Variants in ATP6V0A4 observed in about 807,000 individuals in gnomAD.
ATP6V0A4 encodes ATPase H+ transporting V0 subunit a4.
ATP6V0A4 carries 86 observed loss-of-function variants against 107.3 expected under a neutral mutation model. That is an observed-to-expected ratio of 0.80 (90% CI 0.67 to 0.96). The LOEUF is 0.96. ATP6V0A4 is among the 40% of genes least tolerant of loss of function. The pLI is 0.00. For synonymous variants in ATP6V0A4, 353 were observed against 381.4 expected, an observed-to-expected ratio of 0.93 and a Z score of 0.87; for missense variants, 908 against 1,045.6, an observed-to-expected ratio of 0.87 and a Z score of 1.81.
intron 13 of ATP6V0A4, among the ~76,000 whole-genome samples, chr7:138,745,658 C>CA (rs566336992): frequency 0.035 from 1,505 of 42,736 alleles, 325 homozygotes; most frequent in East Asian, 0.29. Flanking sequence ...GCCTGTGTCT[C>CA]AAAAAAAAAA....
intron 15 of ATP6V0A4, 117 bp from the exon 16 acceptor site, chr7:138,734,371 A>G: frequency 1.3e-6 from 2 of 1,520,222 alleles, no homozygotes; most frequent in Admixed American, 1.7e-5. Context: ...GCACTTTCAT[A>G]TTTCAGTCCA....
chr7:138,724,578 C>T (rs1332382170), intron 18 of ATP6V0A4, among the ~76,000 whole-genome samples: 1 of 152,190 alleles, frequency 6.6e-6, no homozygotes, highest in East Asian at 1.9e-4. Flanking sequence ...GTGCCAGGTG[C>T]CAAGAGCCAG....
At chr7:138,782,154 G>A (rs1453358563) in intron 2 of ATP6V0A4, among the ~76,000 whole-genome samples, 1 of 152,186 alleles carries the variant, frequency 6.6e-6, no homozygotes, top group African/African-American at 2.4e-5. Flanking sequence ...TTAGAAGTCT[G>A]AAATCAAGAT....
intron 21 of ATP6V0A4, among the ~76,000 whole-genome samples, 176 bp downstream of exon 21, chr7:138,709,448 A>G (rs548878135): frequency 6.6e-6 from 1 of 152,064 alleles, no homozygotes. Context: ...ACATATATAT[A>G]CACATATATT....
chr7:138,783,261 G>A (rs1808002535), intron 2 of ATP6V0A4, among the ~76,000 whole-genome samples: 2 of 151,938 alleles, frequency 1.3e-5, no homozygotes, highest in Admixed American at 1.3e-4. Context: ...GTTCTAGTTG[G>A]GAGATACATC....
chr7:138,797,949 C>T (rs1258319448), intron 1 of ATP6V0A4, 85 bp downstream of exon 1: 1 of 1,534,830 alleles, frequency 6.5e-7, no homozygotes, highest in Admixed American at 2.0e-5. Flanking sequence ...TTTGCTCCAC[C>T]CCATGGTGTT....
intron 21 of ATP6V0A4, among the ~76,000 whole-genome samples, chr7:138,707,351 A>C (rs1483462465): frequency 1.3e-5 from 1 of 75,448 alleles, no homozygotes; most frequent in Non-Finnish European, 2.4e-5. Context: ...ATATATTATA[A>C]TATATATTAT....
intron 7 of ATP6V0A4, among the ~76,000 whole-genome samples, chr7:138,760,805 A>C (rs1220735496): frequency 6.6e-6 from 1 of 152,212 alleles, no homozygotes; most frequent in East Asian, 1.9e-4. Flanking sequence ...AAAAAATCAT[A>C]AATCCCAAAC....
chr7:138,795,828 T>G (rs985993106), intron 1 of ATP6V0A4, among the ~76,000 whole-genome samples: 3 of 151,346 alleles, frequency 2.0e-5, no homozygotes, highest in Non-Finnish European at 4.4e-5. Context: ...TTTTTTTTTG[T>G]TTGTTTTGCG....
chr7:138,778,739 T>C (rs1807786731), intron 2 of ATP6V0A4, among the ~76,000 whole-genome samples: 1 of 151,224 alleles, frequency 6.6e-6, no homozygotes, highest in Non-Finnish European at 1.5e-5. Context: ...AAAGCCCAAG[T>C]GGGGAGCCTA....
intron 1 of ATP6V0A4, among the ~76,000 whole-genome samples, chr7:138,786,649 C>G (rs1808191250): frequency 6.6e-6 from 1 of 151,814 alleles, no homozygotes; most frequent in African/African-American, 2.4e-5. Flanking sequence ...TACCTATAGC[C>G]TAAGGAGAGA....
intron 14 of ATP6V0A4, among the ~76,000 whole-genome samples, chr7:138,741,394 C>A (rs1805627698): frequency 6.6e-6 from 1 of 152,068 alleles, no homozygotes; most frequent in African/African-American, 2.4e-5. Context: ...GTGCAAATGG[C>A]TGGATTTCCA....
chr7:138,778,770 A>G (rs1346044663), intron 2 of ATP6V0A4, among the ~76,000 whole-genome samples: 1 of 151,470 alleles, frequency 6.6e-6, no homozygotes, highest in Non-Finnish European at 1.5e-5. Flanking sequence ...CCGAGTGGGG[A>G]GTCTGAATTC....
At chr7:138,730,931 C>CA (rs1804971938) in intron 17 of ATP6V0A4, among the ~76,000 whole-genome samples, 1 of 123,758 alleles carries the variant, frequency 8.1e-6, no homozygotes. Context: ...TCTTCTTCTT[C>CA]TTTTTTTATT....
intron 15 of ATP6V0A4, 130 bp from the exon 16 acceptor site, chr7:138,734,384 T>C (rs1278936618): frequency 6.9e-7 from 1 of 1,443,778 alleles, no homozygotes; most frequent in Non-Finnish European, 9.6e-7. Flanking sequence ...TCAGTCCAGC[T>C]CAATGCATAC....
In ATP6V0A4 at chr7:138,761,145, G is replaced by A. The variant is rs181344119; in HGVS notation, c.512+1195C>T. Among the ~76,000 whole-genome samples the A allele has an allele frequency of 3.8e-3, 584 of 152,000 alleles. 7 individuals carry two copies. The highest frequency in any genetic ancestry group is 3.6e-3 in the Non-Finnish European group (242 of 67,976). ...CTAATTACATTTAAAAATGTATCCC[G>A]GGCAACACAGTGAGGCCTTGTCTCT... On this transcript the variant is annotated intron_variant, in intron 7 of 21. Transcript: ENST00000310018.
At chr7:138,737,529 G>A (rs1456730561) in intron 15 of ATP6V0A4, among the ~76,000 whole-genome samples, 3 of 151,530 alleles carry the variant, frequency 2.0e-5, no homozygotes, top group African/African-American at 7.3e-5. Context: ...CTGAGGAACA[G>A]GACTGCAGGA....
chr7:138,722,033 C>G lies in ATP6V0A4; in HGVS notation c.2011-8G>C. The G allele has an allele frequency of 6.2e-7, 1 of 1,614,084 alleles. No individual in the cohort carries two copies. Among genetic ancestry groups the G allele is most frequent in the Non-Finnish European group, 8.5e-7 (1 of 1,180,012 alleles). On this transcript the variant is annotated splice_region_variant and splice_polypyrimidine_tract_variant and intron_variant, in intron 18 of 21. Transcript: ENST00000310018. ...GATCCTGGATGCCTGCAGCTGACAA[C>G]AAGCAGGGAAATGAGGAATGCGCTC...
chr7:138,737,505 T>G (rs2117251939), intron 15 of ATP6V0A4, among the ~76,000 whole-genome samples: 1 of 151,934 alleles, frequency 6.6e-6, no homozygotes, highest in Non-Finnish European at 1.5e-5. Context: ...CGTGTTCTGT[T>G]AAAGTGGTTA....
Sources: allele counts gnomAD v4.1 joint callset (sites outside exome capture counted in the v4.1 genomes callset), GRCh38; gene constraint gnomAD v4.1.1; transcripts MANE v1.5; gene names NCBI Gene and HGNC (gene_info 2026-07-23, HGNC 2026-07-21).